CALN1: variants seen among roughly 807,000 people sequenced by gnomAD.
CALN1 encodes the protein calcium-binding protein 8.
Under a neutral mutation model 30.6 loss-of-function variants are expected in CALN1, and 17 were observed. The observed-to-expected ratio is 0.56, with a 90% confidence interval of 0.38 to 0.83. CALN1 has a LOEUF of 0.83. Among genes scored for constraint, CALN1 ranks in the 40% least tolerant of loss-of-function variants. The pLI is 0.00. For synonymous variants in CALN1, 156 were observed against 131.4 expected, an observed-to-expected ratio of 1.19 and a Z score of -1.28; for missense variants, 291 against 354.9, an observed-to-expected ratio of 0.82 and a Z score of 1.45.
At chr7:72,150,797 A>C (rs1787174756) in intron 3 of CALN1, among the ~76,000 whole-genome samples, 1 of 152,116 alleles carries the variant, frequency 6.6e-6, no homozygotes, top group Non-Finnish European at 1.5e-5. Flanking sequence ...AAGTTTAAGG[A>C]CTCAGTAATG....
At chr7:71,829,965 G>A (rs969298635) in intron 5 of CALN1, among the ~76,000 whole-genome samples, 20 of 151,870 alleles carry the variant, frequency 1.3e-4, no homozygotes, top group Middle Eastern at 3.5e-3. Context: ...TACTGAAGAA[G>A]CCATTGTCTG....
intron 5 of CALN1, among the ~76,000 whole-genome samples, chr7:71,847,773 A>AAAGAAGAAGAAGAAGAAAGAAG (rs1790378659): frequency 6.9e-6 from 1 of 145,228 alleles, no homozygotes; most frequent in African/African-American, 2.6e-5. Flanking sequence ...GAAGAAGAAG[A>AAAGAAGAAGAAGAAGAAAGAAG]AAGAAGAAGA....
the CALN1 span, among the ~76,000 whole-genome samples, chr7:72,469,381 G>C: frequency 9.9e-4 from 150 of 152,206 alleles, 4 homozygotes; most frequent in South Asian, 0.03. Context: ...GGCCGCAGAT[G>C]TATGGATTTA....
intron 3 of CALN1, among the ~76,000 whole-genome samples, chr7:72,241,083 C>A (rs959461406): frequency 1.3e-5 from 2 of 152,182 alleles, no homozygotes; most frequent in Admixed American, 6.5e-5. Flanking sequence ...TCCAATCTAG[C>A]CTTTACTACA....
At chr7:72,161,905 G>A (rs140574480) in intron 3 of CALN1, among the ~76,000 whole-genome samples, 487 of 151,948 alleles carry the variant, frequency 3.2e-3, no homozygotes, top group Middle Eastern at 6.8e-3. Flanking sequence ...ATGTAGCCCT[G>A]AGCTTAAAAC....
At chr7:72,077,187 G>A (rs1276743259) in intron 4 of CALN1, among the ~76,000 whole-genome samples, 1 of 152,274 alleles carries the variant, frequency 6.6e-6, no homozygotes, top group Admixed American at 6.5e-5. Context: ...CAAATATTAT[G>A]TATCCATAAA....
At chr7:72,429,632 AG>A (rs1196720257) in intron 1 of CALN1, among the ~76,000 whole-genome samples, 4 of 151,830 alleles carry the variant, frequency 2.6e-5, no homozygotes, top group African/African-American at 9.7e-5. Context: ...ATCATTTAAA[AG>A]AAACAAAAAC....
intron 4 of CALN1, among the ~76,000 whole-genome samples, chr7:72,096,991 G>A (rs1806280678): frequency 6.6e-6 from 1 of 152,170 alleles, no homozygotes; most frequent in African/African-American, 2.4e-5. Flanking sequence ...AAAAAAGGAT[G>A]AGTTCATATC....
In CALN1 at chr7:71,842,625, A is replaced by G. The variant is rs375703281; in HGVS notation, c.502-32133T>C. Reference sequence around the variant, plus strand: ...CCGGTACATTAGCTTCTCTGCTTCCATTTGCAACGTTCACCGATGCCTGCA... The same window carrying G: ...CCGGTACATTAGCTTCTCTGCTTCCGTTTGCAACGTTCACCGATGCCTGCA... On this transcript the variant is annotated intron_variant, in intron 5 of 6. Coordinates refer to ENST00000395275, the MANE Select transcript of CALN1 (RefSeq NM_031468.4). 6.6e-5 allele frequency among the ~76,000 whole-genome samples: 10 copies of G among 152,324 alleles called. No individual in the cohort carries two copies. In the East Asian group the frequency reaches 1.9e-3, roughly 29 times the overall value.
intron 3 of CALN1, among the ~76,000 whole-genome samples, chr7:72,250,969 TG>T (rs1237814215): frequency 6.6e-6 from 1 of 152,212 alleles, no homozygotes; most frequent in Admixed American, 6.5e-5. Flanking sequence ...CCTTTATCCT[TG>T]GCTGTTGGGC....
intron 5 of CALN1, among the ~76,000 whole-genome samples, chr7:71,830,697 G>T (rs949747832): frequency 3.3e-5 from 5 of 152,122 alleles, no homozygotes; most frequent in African/African-American, 9.7e-5. Context: ...CCTCGAACTT[G>T]GTTCTTACTC....
At chr7:72,023,801 A>G in intron 4 of CALN1, 32 bp from the exon 5 acceptor site, 2 of 1,547,476 alleles carry the variant, frequency 1.3e-6, no homozygotes, top group Non-Finnish European at 1.8e-6. Context: ...ATGAGTTGCA[A>G]ACAAGCTGAA....
In CALN1 at chr7:72,403,413, C is replaced by CAA; in HGVS notation, c.-46_-45dup. 1 of 1,473,028 alleles carries CAA rather than the reference C, an allele frequency of 6.8e-7. No individual in the cohort carries two copies. Among genetic ancestry groups the CAA allele is most frequent in the Non-Finnish European group, 9.2e-7 (1 of 1,091,638 alleles). The allele number at this position is 1,473,028 out of a possible 1,614,324, so 91.2% of individuals were successfully genotyped here. ...TTCTCAGAGAGAGTTAGAAGCTCAT[C>CAA]AAAGGAACGTCAGCGAAGGCACTGA... On this transcript the variant is annotated 5_prime_UTR_variant, in exon 2 of 7. Coordinates refer to ENST00000395275, the MANE Select transcript of CALN1 (RefSeq NM_031468.4).
intron 5 of CALN1, among the ~76,000 whole-genome samples, chr7:71,898,264 A>G (rs982122652): frequency 6.6e-6 from 1 of 152,116 alleles, no homozygotes; most frequent in Non-Finnish European, 1.5e-5. Context: ...CAGGAGGCAG[A>G]GGTTGCAGTG....
intron 3 of CALN1, among the ~76,000 whole-genome samples, chr7:72,209,646 C>G (rs184092572): frequency 7.2e-5 from 11 of 152,036 alleles, no homozygotes; most frequent in African/African-American, 2.7e-4. Context: ...AGAACATTTT[C>G]ATCACCTCAG....
rs187966941 is a variant in CALN1 at position 71,936,269 on chromosome 7, C to T, written c.501+87388G>A. Among the ~76,000 whole-genome samples, 1,497 of 152,104 alleles carry T rather than the reference C, an allele frequency of 9.8e-3. 29 individuals are homozygous for T. The highest frequency in any genetic ancestry group is 0.034 in the African/African-American group (1,403 of 41,482). ...ATCCCAGCACTTTGGGAGGCTGAGACGGGTGGATCACGAGGTCAGGAGATT... is the reference window on the plus strand; with the variant it reads ...ATCCCAGCACTTTGGGAGGCTGAGATGGGTGGATCACGAGGTCAGGAGATT... On this transcript the variant is annotated intron_variant, in intron 5 of 6. Coordinates refer to ENST00000395275, the MANE Select transcript of CALN1 (RefSeq NM_031468.4).
chr7:72,004,207 A>T (rs753691540), intron 5 of CALN1, among the ~76,000 whole-genome samples: 1 of 152,342 alleles, frequency 6.6e-6, no homozygotes, highest in Non-Finnish European at 1.5e-5. Context: ...GAAACAGAAC[A>T]GAGAACCCAG....
intron 4 of CALN1, among the ~76,000 whole-genome samples, chr7:72,057,706 T>A (rs143605280): frequency 6.8e-6 from 1 of 147,350 alleles, no homozygotes; most frequent in South Asian, 2.4e-4. Context: ...ATAATGAGTG[T>A]AGAAGACTTA....
chr7:72,449,941 C>T (rs1417764804), upstream of CALN1, among the ~76,000 whole-genome samples: 1 of 148,592 alleles, frequency 6.7e-6, no homozygotes, highest in Non-Finnish European at 1.5e-5. Context: ...CACTGTGGCT[C>T]ACACCTGTAA....
Sources: gnomAD v4.1 joint callset for allele counts (sites outside exome capture counted in the v4.1 genomes callset) on GRCh38, gnomAD v4.1.1 for gene constraint, MANE v1.5 for transcripts, NCBI Gene and HGNC (gene_info 2026-07-23, HGNC 2026-07-21) for gene names.